The following FHIP2A variants were observed in gnomAD, a reference collection of about 807,000 sequenced individuals.
FHIP2A encodes FHF complex subunit HOOK interacting protein 2A, also known as family with sequence similarity 160 member B1.
A neutral mutation model predicts 93.5 loss-of-function variants in FHIP2A; 46 were observed. That is an observed-to-expected ratio of 0.49 (90% CI 0.39 to 0.63). FHIP2A has a LOEUF of 0.63. Ranked by LOEUF, FHIP2A falls within the 20% of genes least tolerant of loss-of-function variation. The probability of loss-of-function intolerance (pLI) is 0.00; values close to 1 mark genes in which losing one functional copy is unlikely to be tolerated. For synonymous variants in FHIP2A, 332 were observed against 326.5 expected (o/e 1.02, Z -0.18); for missense variants, 769 against 909.7 (o/e 0.85, Z 1.99).
At position 114,862,511 on chromosome 10, in the gene FHIP2A, C is replaced by G. The variant is rs2083806547; in HGVS notation, c.*971C>G. On this transcript the variant is annotated 3_prime_UTR_variant, in exon 17 of 17. Transcript: ENST00000369248. ...GGCTCCTCGATGTTTACATTTTTTT[C>G]TATTTTGTTCAGTCTTTTGTTTTAA... 5 of 987,212 alleles carry G rather than the reference C, an allele frequency of 5.1e-6. No homozygotes were observed. In the South Asian group the frequency reaches 2.3e-4, roughly 46 times the overall value. 61.2% of individuals were successfully genotyped at this position (987,212 alleles called of 1,614,324 possible). A position where few individuals can be genotyped will look rare whatever the true frequency, so the allele number is the denominator to read the frequency against.
At chr10:114,875,119 G>C (rs11818114) in intron 16 of FHIP2A, among the ~76,000 whole-genome samples, 48,293 of 151,920 alleles carry the variant, frequency 0.32, 8,214 homozygotes, top group South Asian at 0.39. Flanking sequence ...ACTGCAGGCC[G>C]CTCTGCAGCC....
intron 1 of FHIP2A, among the ~76,000 whole-genome samples, chr10:114,823,685 G>A (rs1166499537): frequency 2.0e-5 from 3 of 149,084 alleles, no homozygotes; most frequent in Non-Finnish European, 3.0e-5. Context: ...TTTTAGTAGA[G>A]ATGGGGTTTC....
chr10:114,898,281 G>C (rs2084010417), intron 16 of FHIP2A, among the ~76,000 whole-genome samples: 2 of 152,160 alleles, frequency 1.3e-5, no homozygotes, highest in Non-Finnish European at 2.9e-5. Flanking sequence ...GGTGCAAGAG[G>C]CTTCTTTTTC....
intron 1 of FHIP2A, among the ~76,000 whole-genome samples, chr10:114,824,761 C>T (rs761903595): frequency 3.3e-5 from 5 of 152,118 alleles, no homozygotes; most frequent in African/African-American, 7.2e-5. Flanking sequence ...CTTACCATTC[C>T]TCAGTTCATT....
intron 5 of FHIP2A, among the ~76,000 whole-genome samples, chr10:114,841,613 G>A (rs11196947): frequency 0.41 from 62,573 of 152,002 alleles, 13,449 homozygotes; most frequent in Non-Finnish European, 0.48. Context: ...TTGGAAATTG[G>A]CAAATTGTTT....
rs2083811052 is a variant in FHIP2A at position 114,863,270 on chromosome 10, A to T, written c.*1730A>T. 1.0e-6 allele frequency: 1 copy of T among 984,082 alleles called. No individual in the cohort carries two copies. The highest frequency in any genetic ancestry group is 1.7e-5 in the African/African-American group (1 of 57,346). 61.0% of individuals were successfully genotyped at this position (984,082 alleles called of 1,614,324 possible). On this transcript the variant is annotated 3_prime_UTR_variant, in exon 17 of 17. Transcript: ENST00000369248. ...TGCTGTATTTTTTTAATCACTTCAT[A>T]CAAGGAAAACTTCGACATTTACATT...
At chr10:114,878,385 G>T (rs1272602698) in intron 16 of FHIP2A, among the ~76,000 whole-genome samples, 1 of 152,198 alleles carries the variant, frequency 6.6e-6, no homozygotes, top group Non-Finnish European at 1.5e-5. Flanking sequence ...TGAGGCTGAG[G>T]ATAAGAGGAG....
rs867879124 is a variant in FHIP2A at position 114,843,620 on chromosome 10, A to G, written c.817-121A>G. ...CAGTTGGCCAATAATATGCATTTAA[A>G]ATAGACAAAAATCTATTTTTCTTTT... On this transcript the variant is annotated intron_variant, in intron 6 of 16. Transcript: ENST00000369248. 15 of 846,298 alleles carry G rather than the reference A, an allele frequency of 1.8e-5. No individual in the cohort carries two copies. In the South Asian group the frequency reaches 2.4e-4, roughly 14 times the overall value. 52.4% of individuals were successfully genotyped at this position (846,298 alleles called of 1,614,324 possible).
Position 114,861,723 on chromosome 10 carries a change from T to C in FHIP2A, c.*183T>C. ...TTGGTGAAATGTTGTATAATGTTGT[T>C]TTCATTGGCTTTATCATAATGGTTC... On this transcript the variant is annotated 3_prime_UTR_variant, in exon 17 of 17. Coordinates refer to ENST00000369248, the MANE Select transcript of FHIP2A (RefSeq NM_020940.4). The C allele has an allele frequency of 7.3e-7, 1 of 1,373,676 alleles. No homozygotes were observed. The highest frequency in any genetic ancestry group is 2.8e-4 in the Middle Eastern group (1 of 3,620). The allele number at this position is 1,373,676 out of a possible 1,614,324, so 85.1% of individuals were successfully genotyped here. A position where few individuals can be genotyped will look rare whatever the true frequency, so the allele number is the denominator to read the frequency against.
intron 16 of FHIP2A, among the ~76,000 whole-genome samples, chr10:114,877,473 T>C (rs2083895385): frequency 6.6e-6 from 1 of 151,908 alleles, no homozygotes; most frequent in South Asian, 2.1e-4. Flanking sequence ...ATAATTATAA[T>C]TATATATAAG....
intron 16 of FHIP2A, among the ~76,000 whole-genome samples, chr10:114,890,307 C>A (rs2083964162): frequency 6.6e-6 from 1 of 152,004 alleles, no homozygotes; most frequent in Non-Finnish European, 1.5e-5. Context: ...GGACTACAGG[C>A]ATGAGGCACC....
intron 8 of FHIP2A, 33 bp downstream of exon 8, chr10:114,845,514 T>C: frequency 1.5e-6 from 2 of 1,331,488 alleles, no homozygotes; most frequent in Non-Finnish European, 2.1e-6. Context: ...TTGATCATTT[T>C]AAGATATAAA....
At position 114,846,208 on chromosome 10, in the gene FHIP2A, G is replaced by C. The variant is rs149979609; in HGVS notation, c.1239G>C (p.Leu413=). Residue 413 remains leucine (L), a synonymous_variant, in exon 10 of 17, where the codon CTG becomes CTC. Transcript: ENST00000369248. The part of the protein sequence containing the change: ...SEMGILTSTA[L]LHRIVRQVTS... ...TGGGTATTCTCACATCCACTGCTCT[G>C]CTTCATCGCATCGTTCGGCAAGTGA... 263 of 1,614,144 alleles carry C rather than the reference G, an allele frequency of 1.6e-4. 2 individuals carry two copies. In the African/African-American group the frequency reaches 2.8e-3, roughly 17 times the overall value.
At chr10:114,840,512 T>C (rs2083662764) in intron 5 of FHIP2A, among the ~76,000 whole-genome samples, 1 of 152,236 alleles carries the variant, frequency 6.6e-6, no homozygotes, top group Non-Finnish European at 1.5e-5. Context: ...GCCTTTTATA[T>C]GGCAGATTCT....
At position 114,861,642 on chromosome 10, in the gene FHIP2A, ACGCAGTATT is replaced by A; in HGVS notation, c.*103_*111del. 1 of 1,488,482 alleles carries A rather than the reference ACGCAGTATT, an allele frequency of 6.7e-7. No individual in the cohort carries two copies. The highest frequency in any genetic ancestry group is 1.4e-5 in the African/African-American group (1 of 71,376). The allele number at this position is 1,488,482 out of a possible 1,614,324, so 92.2% of individuals were successfully genotyped here. A position where few individuals can be genotyped will look rare whatever the true frequency, so the allele number is the denominator to read the frequency against. On this transcript the variant is annotated 3_prime_UTR_variant, in exon 17 of 17. Coordinates refer to ENST00000369248, the MANE Select transcript of FHIP2A (RefSeq NM_020940.4). ...ACAAGAGGATAAAAAGCCTTTTTAAACGCAGTATTGCTGTAAACTGGACAGAACCATTAA... is the reference window on the plus strand; with the variant it reads ...ACAAGAGGATAAAAAGCCTTTTTAAAGCTGTAAACTGGACAGAACCATTAA...
intron 5 of FHIP2A, among the ~76,000 whole-genome samples, chr10:114,841,596 G>A (rs1340386363): frequency 6.6e-6 from 1 of 152,080 alleles, no homozygotes; most frequent in Non-Finnish European, 1.5e-5. Flanking sequence ...ATATGCCATT[G>A]ATTTTGTTGG....
At chr10:114,860,255 G>T (rs2083789593) in intron 14 of FHIP2A, among the ~76,000 whole-genome samples, 1 of 152,084 alleles carries the variant, frequency 6.6e-6, no homozygotes, top group South Asian at 2.1e-4. Flanking sequence ...TTTTAGGCCT[G>T]CAATATATGT....
rs527401571 is a variant in FHIP2A, at chr10:114,821,802, C to G, written c.-277C>G. 173 of 184,670 alleles carry G rather than the reference C, an allele frequency of 9.4e-4. No homozygotes were observed. The highest frequency in any genetic ancestry group is 8.2e-4 in the Non-Finnish European group (74 of 89,920). 11.4% of individuals were successfully genotyped at this position (184,670 alleles called of 1,614,324 possible). A position where few individuals can be genotyped will look rare whatever the true frequency, so the allele number is the denominator to read the frequency against. On this transcript the variant is annotated 5_prime_UTR_variant, in exon 1 of 17. Transcript: ENST00000369248. ...CCCGAGCCGGGCTGCCACCGTGTCC[C>G]AACCGGTGCCGCCGCCGGAGCTTCT...
chr10:114,846,256 A>T lies in FHIP2A; in HGVS notation c.1287A>T (p.Glu429Asp). 6.2e-7 allele frequency: 1 copy of T among 1,614,158 alleles called. No homozygotes were observed. Among genetic ancestry groups the T allele is most frequent in the Non-Finnish European group, 8.5e-7 (1 of 1,180,022 alleles). The change falls in exon 10 of 17, where the codon GAA becomes GAT. Residue 429 changes from glutamate to aspartate, a missense_variant. Physicochemically the swap from Glu to Asp is conservative, Grantham distance 45. Coordinates refer to ENST00000369248, the MANE Select transcript of FHIP2A (RefSeq NM_020940.4). ...RQVTSDVLLQ[E>D]MVFFILGEQR... ...TGACCTCTGATGTTTTGCTTCAAGA[A>T]ATGGTGTTTTTTATCCTTGGAGAAC...
Sources: allele counts gnomAD v4.1 joint callset (sites outside exome capture counted in the v4.1 genomes callset), GRCh38; gene constraint gnomAD v4.1.1; transcripts MANE v1.5; gene names NCBI Gene and HGNC (gene_info 2026-07-23, HGNC 2026-07-21).